GEMIN5: variants seen among roughly 807,000 people sequenced by gnomAD.
The protein encoded by GEMIN5 is gem nuclear organelle associated protein 5, also known as gem-associated protein 5.
In GEMIN5, 124 loss-of-function variants were observed where a neutral mutation model predicts 176.9. The ratio of observed to expected loss-of-function variants is 0.70; its 90% CI spans 0.61 to 0.81. The LOEUF (loss-of-function observed/expected upper bound fraction) is 0.81. Among genes scored for constraint, GEMIN5 ranks in the 40% least tolerant of loss-of-function variants. The probability of loss-of-function intolerance (pLI) is 0.00; values close to 1 mark genes in which losing one functional copy is unlikely to be tolerated. For missense variants in GEMIN5, 1,843 were observed against 1,814.6 expected (o/e 1.02, Z -0.28); for synonymous variants, 673 against 665.2 (o/e 1.01, Z -0.18).
chr5:154,931,857 T>C (rs911659836), intron 4 of GEMIN5: 4 of 494,592 alleles, frequency 8.1e-6, no homozygotes, highest in African/African-American at 7.8e-5. Flanking sequence ...CTACTAAAAA[T>C]ACAAAATTAG....
Position 154,936,975 on chromosome 5 carries a change from C to G in GEMIN5, c.327+50G>C, listed in dbSNP as rs769612549. The G allele has an allele frequency of 1.5e-5, 22 of 1,491,362 alleles. No individual in the cohort carries two copies. In the Admixed American group the frequency reaches 2.5e-4, roughly 17 times the overall value. The allele number at this position is 1,491,362 out of a possible 1,614,324, so 92.4% of individuals were successfully genotyped here. A position where few individuals can be genotyped will look rare whatever the true frequency, so the allele number is the denominator to read the frequency against. On this transcript the variant is annotated intron_variant, in intron 2 of 27. Transcript: ENST00000285873. Reference sequence around the variant, plus strand: ...AAAACTAGCTTGCAACAGAAGAACCCTCAGCACAGATAGATAAAAACGGTT... The same window carrying G: ...AAAACTAGCTTGCAACAGAAGAACCGTCAGCACAGATAGATAAAAACGGTT...
chr5:154,936,654 A>G (rs1274645929), intron 2 of GEMIN5, among the ~76,000 whole-genome samples: 2 of 152,218 alleles, frequency 1.3e-5, no homozygotes, highest in Non-Finnish European at 2.9e-5. Flanking sequence ...TACAGTCTAT[A>G]TCAGGAGTCC....
At chr5:154,927,157 A>G (rs1015108099) in intron 7 of GEMIN5, among the ~76,000 whole-genome samples, 1 of 152,024 alleles carries the variant, frequency 6.6e-6, no homozygotes, top group Non-Finnish European at 1.5e-5. Flanking sequence ...GGGCAAAACT[A>G]CCCTTCTTTA....
chr5:154,893,540 G>C (rs1454394084), intron 24 of GEMIN5, among the ~76,000 whole-genome samples: 1 of 152,178 alleles, frequency 6.6e-6, no homozygotes, highest in Non-Finnish European at 1.5e-5. Context: ...AACACTACCA[G>C]CAAAATCAAG....
At chr5:154,907,522 T>G in intron 16 of GEMIN5, 69 bp downstream of exon 16, 1 of 1,098,594 alleles carries the variant, frequency 9.1e-7, no homozygotes, top group East Asian at 2.4e-5. Context: ...TCAAACTGAG[T>G]AAGGACCTAG....
intron 6 of GEMIN5, 38 bp downstream of exon 6, chr5:154,928,489 A>C: frequency 6.2e-7 from 1 of 1,607,008 alleles, no homozygotes. Context: ...ATAGAAAAAC[A>C]AAATATATCT....
intron 18 of GEMIN5, 49 bp downstream of exon 18, chr5:154,904,458 T>C (rs1160443759): frequency 6.5e-7 from 1 of 1,546,736 alleles, no homozygotes; most frequent in Non-Finnish European, 8.9e-7. Flanking sequence ...ATCCCTTATA[T>C]ACCAGTCCCG....
chr5:154,924,064 T>C (rs1763978793), intron 9 of GEMIN5, among the ~76,000 whole-genome samples: 1 of 152,260 alleles, frequency 6.6e-6, no homozygotes, highest in Non-Finnish European at 1.5e-5. Flanking sequence ...ATTTAAAATG[T>C]AATCAAAATA....
In GEMIN5 at chr5:154,904,131, C is replaced by T. The variant is rs539977766; in HGVS notation, c.2632+376G>A. On this transcript the variant is annotated intron_variant, in intron 18 of 27. Coordinates refer to ENST00000285873, the MANE Select transcript of GEMIN5 (RefSeq NM_015465.5). Reference sequence around the variant, plus strand: ...AAATGCCATATTATGAGCATATTTCCAATAAGAAAAAAAGATTTTTTTCTC... The same window carrying T: ...AAATGCCATATTATGAGCATATTTCTAATAAGAAAAAAAGATTTTTTTCTC... Among the ~76,000 whole-genome samples, 4 of 151,516 alleles carry T rather than the reference C, an allele frequency of 2.6e-5. No individual in the cohort carries two copies. In the East Asian group the frequency reaches 7.7e-4, roughly 29 times the overall value.
chr5:154,920,179 T>C lies in GEMIN5; in HGVS notation c.1463-76A>G, dbSNP rs186683708. 59 of 1,094,144 alleles carry C rather than the reference T, an allele frequency of 5.4e-5. No homozygotes were observed. In the Admixed American group the frequency reaches 9.6e-4, roughly 18 times the overall value. The allele number at this position is 1,094,144 out of a possible 1,614,324, so 67.8% of individuals were successfully genotyped here. ...ACTATTTGTTGCTATAGTATGACCA[T>C]ACCATACTACATAGTTGTTTTAAAA... is the stretch of plus-strand genomic sequence containing the variant. On this transcript the variant is annotated intron_variant, in intron 10 of 27. Transcript: ENST00000285873.
intron 9 of GEMIN5, among the ~76,000 whole-genome samples, chr5:154,922,521 G>A (rs1462081279): frequency 2.0e-5 from 3 of 152,068 alleles, no homozygotes; most frequent in African/African-American, 7.2e-5. Context: ...AATAGCTCTA[G>A]GGCAATACCC....
At chr5:154,930,208 G>GA (rs2113510560) in intron 5 of GEMIN5, among the ~76,000 whole-genome samples, 2 of 152,158 alleles carry the variant, frequency 1.3e-5, no homozygotes, top group South Asian at 4.1e-4. Context: ...TTAAATCAGC[G>GA]AATCAGAATT....
intron 8 of GEMIN5, among the ~76,000 whole-genome samples, chr5:154,925,462 C>A (rs921185037): frequency 1.3e-5 from 2 of 152,106 alleles, no homozygotes; most frequent in South Asian, 2.1e-4. Flanking sequence ...TGTTTTATAA[C>A]CTGCTTTCCA....
chr5:154,920,853 A>G (rs1183512692), intron 10 of GEMIN5, among the ~76,000 whole-genome samples: 1 of 152,228 alleles, frequency 6.6e-6, no homozygotes, highest in Non-Finnish European at 1.5e-5. Flanking sequence ...AGGAATAAGA[A>G]AAAGAAAGAC....
intron 24 of GEMIN5, among the ~76,000 whole-genome samples, chr5:154,895,683 A>G (rs1763333448): frequency 7.0e-6 from 1 of 143,718 alleles, no homozygotes; most frequent in Non-Finnish European, 1.5e-5. Context: ...TTATTACATT[A>G]TTCTGCTTTT....
intron 20 of GEMIN5, 91 bp downstream of exon 20, chr5:154,902,448 G>A (rs1364706898): frequency 4.2e-6 from 5 of 1,192,390 alleles, no homozygotes; most frequent in Admixed American, 1.9e-5. Flanking sequence ...GTGATTTCAA[G>A]CTTAAGACTG....
chr5:154,911,645 T>C (rs373153582), intron 15 of GEMIN5, 82 bp downstream of exon 15: 25 of 1,234,160 alleles, frequency 2.0e-5, no homozygotes, highest in East Asian at 7.0e-5. Context: ...CCTACACGAA[T>C]GTCTTCCTTG....
rs1764177002 is a variant in GEMIN5, at chr5:154,931,982, G to A, written c.661+117C>T. On this transcript the variant is annotated intron_variant, in intron 4 of 27. Coordinates refer to ENST00000285873, the MANE Select transcript of GEMIN5 (RefSeq NM_015465.5). ...GAGCCGAGATCACGCTCCAGCCTAGGCAACAAAAGCAAAACTCCGTCTCCA... is the reference window on the plus strand; with the variant it reads ...GAGCCGAGATCACGCTCCAGCCTAGACAACAAAAGCAAAACTCCGTCTCCA... 3 of 821,680 alleles carry A rather than the reference G, an allele frequency of 3.7e-6. No individual in the cohort carries two copies. In the Admixed American group the frequency reaches 7.4e-5, roughly 20 times the overall value. 50.9% of individuals were successfully genotyped at this position (821,680 alleles called of 1,614,324 possible).
chr5:154,934,358 G>C (rs1561731661), intron 3 of GEMIN5, among the ~76,000 whole-genome samples: 1 of 152,150 alleles, frequency 6.6e-6, no homozygotes, highest in East Asian at 1.9e-4. Flanking sequence ...GGCTAATTTT[G>C]TGTTTTTAAT....
Sources: allele counts gnomAD v4.1 joint callset (sites outside exome capture counted in the v4.1 genomes callset), GRCh38; gene constraint gnomAD v4.1.1; transcripts MANE v1.5; gene names NCBI Gene and HGNC (gene_info 2026-07-23, HGNC 2026-07-21).